SORBS3: variants seen among roughly 807,000 people sequenced by gnomAD.
The protein encoded by SORBS3 is sorbin and SH3 domain containing 3, also known as vinexin.
A neutral mutation model predicts 98.0 loss-of-function variants in SORBS3; 69 were observed. The observed-to-expected ratio is 0.70, with a 90% CI of 0.58 to 0.86. The LOEUF is 0.86. Among genes scored for constraint, SORBS3 ranks in the 40% least tolerant of loss-of-function variants. The probability of loss-of-function intolerance (pLI) is 0.00; values close to 1 mark genes in which losing one functional copy is unlikely to be tolerated. For missense variants in SORBS3, 954 were observed against 908.5 expected (o/e 1.05, Z -0.64); for synonymous variants, 394 against 355.4 (o/e 1.11, Z -1.22).
intron 17 of SORBS3, among the ~76,000 whole-genome samples, chr8:22,570,550 C>G (rs1416950256): frequency 6.6e-6 from 1 of 152,224 alleles, no homozygotes; most frequent in Non-Finnish European, 1.5e-5. Flanking sequence ...ACAGAGCAGG[C>G]TGCCTGAGGC....
chr8:22,554,414 C>A lies in SORBS3; in HGVS notation c.-55-38C>A. 9.8e-6 allele frequency: 15 copies of A among 1,534,262 alleles called. No individual in the cohort carries two copies. In the South Asian group the frequency reaches 1.4e-4, roughly 14 times the overall value. ...AGCCAAGAGGGCATGGGCAGCCTAG[C>A]CTAGCAGGGCTTTCCCTTCCTTCCT... is the stretch of plus-strand genomic sequence containing the variant. On this transcript the variant is annotated intron_variant, in intron 1 of 20. Transcript: ENST00000240123. The surrounding 1 kb of genome is among the most constrained non-coding windows in gnomAD (Gnocchi z 6.5).
Position 22,564,479 on chromosome 8 carries a change from G to A in SORBS3, c.774G>A (p.Pro258=), listed in dbSNP as rs142694846. The change falls in exon 10 of 21, where the codon CCG becomes CCA. Residue 258 remains proline (P), a synonymous_variant. Transcript: ENST00000240123. ...TTTCTACCCTTCAGCCCAAGAAACCGCTGGTGGACGACCCTGGTGAGAAGC... is the reference window on the plus strand; with the variant it reads ...TTTCTACCCTTCAGCCCAAGAAACCACTGGTGGACGACCCTGGTGAGAAGC... ...ELETGQRPKK[P]LVDDPGEKPS... 4.7e-5 allele frequency: 76 copies of A among 1,613,996 alleles called. No individual in the cohort carries two copies. In the African/African-American group the frequency reaches 5.9e-4, roughly 12 times the overall value.
intron 19 of SORBS3, 53 bp downstream of exon 19, chr8:22,571,874 C>T: frequency 7.8e-7 from 1 of 1,283,190 alleles, no homozygotes; most frequent in Admixed American, 1.7e-5. Context: ...CACTGGCAGG[C>T]AATGCCCCAT....
intron 7 of SORBS3, 75 bp from the exon 8 acceptor site, chr8:22,563,912 T>G (rs2117254487): frequency 2.9e-5 from 32 of 1,109,948 alleles, no homozygotes; most frequent in South Asian, 3.8e-5. Context: ...AAGGGCAGGG[T>G]GAGAGGGCTG....
chr8:22,571,963 G>T, intron 19 of SORBS3, 142 bp downstream of exon 19: 1 of 647,470 alleles, frequency 1.5e-6, no homozygotes, highest in South Asian at 1.8e-5. Context: ...AGAGCTTATG[G>T]TGATTTGGGG....
chr8:22,569,062 C>A lies in SORBS3; in HGVS notation c.1306-86C>A, dbSNP rs12680280. On this transcript the variant is annotated intron_variant, in intron 16 of 20. Transcript: ENST00000240123. ...TTTCTCTGCCTAGGGGCGGGCCCACCTTCTCTTTGCTGTCTCACAGGAACC... is the reference window on the plus strand; with the variant it reads ...TTTCTCTGCCTAGGGGCGGGCCCACATTCTCTTTGCTGTCTCACAGGAACC... The A allele has an allele frequency of 1.6e-3, 2,162 of 1,393,820 alleles. 28 individuals are homozygous for A. The East Asian group carries it at 0.033, about 21-fold the overall frequency. The allele number at this position is 1,393,820 out of a possible 1,614,324, so 86.3% of individuals were successfully genotyped here.
intron 5 of SORBS3, 113 bp from the exon 6 acceptor site, chr8:22,561,222 C>A: frequency 1.0e-6 from 1 of 1,002,196 alleles, no homozygotes; most frequent in Non-Finnish European, 1.5e-6. Context: ...GGCCCTGACT[C>A]AGCCCTCAGC....
At chr8:22,563,597 CCAAA>C (rs2117253115) in intron 7 of SORBS3, among the ~76,000 whole-genome samples, 1 of 152,314 alleles carries the variant, frequency 6.6e-6, no homozygotes, top group Non-Finnish European at 1.5e-5. Context: ...TGGGGCCAGA[CCAAA>C]CACACATACA....
At position 22,567,113 on chromosome 8, in the gene SORBS3, A is replaced by C; in HGVS notation, c.1243A>C (p.Lys415Gln). Residue 415 changes from lysine to glutamine, a missense_variant, in exon 16 of 21, where the codon AAG (lysine) becomes CAG (glutamine). Transcript: ENST00000240123. The stretch of plus-strand genomic sequence containing the variant: ...TGTCTACATCCACAAGGAGGTGGAC[A>C]AGAACTGGCTGGAGGGAGAGCACCA... ...DIVYIHKEVDKNWLEGEHHGR... is the reference protein window; with the variant it reads ...DIVYIHKEVDQNWLEGEHHGR... 1 of 1,613,722 alleles carries C rather than the reference A, an allele frequency of 6.2e-7. No homozygotes were observed. Among genetic ancestry groups the C allele is most frequent in the Non-Finnish European group, 8.5e-7 (1 of 1,179,878 alleles).
chr8:22,553,688 C>T (rs938018254), intron 1 of SORBS3, among the ~76,000 whole-genome samples: 3 of 152,288 alleles, frequency 2.0e-5, no homozygotes, highest in African/African-American at 4.8e-5. Context: ...CCAGGGAGCG[C>T]GTGTATGTGC....
At chr8:22,546,121 G>A (rs1840013501) in intron 1 of SORBS3, among the ~76,000 whole-genome samples, 2 of 152,162 alleles carry the variant, frequency 1.3e-5, no homozygotes. Context: ...TAAAGAAGGC[G>A]AGGGAAATGT....
chr8:22,554,818 CG>C lies in SORBS3; in HGVS notation c.103-44del. ...GTGCCTAGTAGCCATCCCTCCCTCC[CG>C]CCCTGCTGGGCCCTGAGCTGCCGCT... is the stretch of plus-strand genomic sequence containing the variant. On this transcript the variant is annotated intron_variant, in intron 2 of 20. Coordinates refer to ENST00000240123, the MANE Select transcript of SORBS3 (RefSeq NM_005775.5). This position sits in a 1 kb window ranked among gnomAD's most constrained non-coding sequence, Gnocchi z 6.5. 6.8e-7 allele frequency: 1 copy of C among 1,459,952 alleles called. No individual in the cohort carries two copies. The highest frequency in any genetic ancestry group is 9.6e-7 in the Non-Finnish European group (1 of 1,044,962). 90.4% of individuals were successfully genotyped at this position (1,459,952 alleles called of 1,614,324 possible).
chr8:22,549,221 C>G (rs1022122094), upstream of SORBS3, among the ~76,000 whole-genome samples: 2 of 152,222 alleles, frequency 1.3e-5, no homozygotes. Flanking sequence ...GGGAGGGAGG[C>G]CCCTCTTAGA....
At position 22,565,355 on chromosome 8, in the gene SORBS3, G is replaced by T. The variant is rs1359598618; in HGVS notation, c.903+1G>T. 9 of 1,549,336 alleles carry T rather than the reference G, an allele frequency of 5.8e-6. No homozygotes were observed. The highest frequency in any genetic ancestry group is 4.1e-5 in the African/African-American group (3 of 72,710). On this transcript the variant is annotated splice_donor_variant, in intron 11 of 20. Transcript: ENST00000240123. LOFTEE classifies it high-confidence loss of function. ...TGAGACCCGACTGCCGTCCCCCAAG[G>T]TACCAGCCCCCAGGGTTCACCCGCG...
At chr8:22,574,285 C>T (rs759663272) in intron 20 of SORBS3, among the ~76,000 whole-genome samples, 7 of 152,180 alleles carry the variant, frequency 4.6e-5, no homozygotes, top group Non-Finnish European at 8.8e-5. Context: ...ATTCAGCCTT[C>T]CCATAGGCCT....
upstream of SORBS3, among the ~76,000 whole-genome samples, chr8:22,551,105 G>C (rs1440262327): frequency 6.6e-6 from 1 of 152,192 alleles, no homozygotes; most frequent in Non-Finnish European, 1.5e-5. The surrounding 1 kb of genome is among the most constrained non-coding windows in gnomAD (Gnocchi z 5.8). Context: ...GGAACACCAA[G>C]ACCCTCCTAA....
chr8:22,561,675 A>G (rs567783794), intron 6 of SORBS3, 190 bp from the exon 7 acceptor site: 36 of 627,014 alleles, frequency 5.7e-5, no homozygotes, highest in Non-Finnish European at 8.6e-5. Flanking sequence ...AAGATGTAGT[A>G]AATGTCGTAA....
chr8:22,565,409 C>G (rs888332297), intron 11 of SORBS3, 55 bp downstream of exon 11: 169 of 1,415,436 alleles, frequency 1.2e-4, no homozygotes, highest in Non-Finnish European at 1.4e-4. Context: ...AGGGTCGGGG[C>G]GAGCCGGGAG....
At position 22,565,238 on chromosome 8, in the gene SORBS3, C is replaced by T. The variant is rs747293416; in HGVS notation, c.817-30C>T. 16 of 1,536,534 alleles carry T rather than the reference C, an allele frequency of 1.0e-5. No individual in the cohort carries two copies. The African/African-American group carries it at 1.6e-4, about 16-fold the overall frequency. The stretch of plus-strand genomic sequence containing the variant: ...CCTCCCACCCCCACGGTGCGCTGCC[C>T]CTCACTGCCCAGCCTCTCCCCGCCC... On this transcript the variant is annotated intron_variant, in intron 10 of 20. Coordinates refer to ENST00000240123, the MANE Select transcript of SORBS3 (RefSeq NM_005775.5).
Sources: allele counts gnomAD v4.1 joint callset (sites outside exome capture counted in the v4.1 genomes callset), GRCh38; gene constraint gnomAD v4.1.1; non-coding constraint Gnocchi (gnomAD v3.1); transcripts MANE v1.5; gene names NCBI Gene and HGNC (gene_info 2026-07-23, HGNC 2026-07-21).